The following MMP20 variants were observed in gnomAD, a reference collection of about 807,000 sequenced individuals.
MMP20 encodes matrix metallopeptidase 20, also known as matrix metalloproteinase-20.
MMP20 carries 50 observed loss-of-function variants against 51.8 expected under a neutral mutation model. That is an observed-to-expected ratio of 0.97 (90% CI 0.77 to 1.22). The LOEUF (loss-of-function observed/expected upper bound fraction) is 1.22, where lower values mean the gene tolerates loss of function less well. Ranked by LOEUF, MMP20 falls within the 50% of genes most tolerant of loss-of-function variation. The pLI is 0.00. For synonymous variants in MMP20, 244 were observed against 216.2 expected, an observed-to-expected ratio of 1.13 and a Z score of -1.13; for missense variants, 663 against 601.4, an observed-to-expected ratio of 1.10 and a Z score of -1.07.
At chr11:102,595,174 G>T (rs1337247631) in intron 6 of MMP20, among the ~76,000 whole-genome samples, 1 of 152,008 alleles carries the variant, frequency 6.6e-6, no homozygotes, top group Non-Finnish European at 1.5e-5. Context: ...TGACCCACCT[G>T]CCTCGGCCTC....
In MMP20 at chr11:102,616,797, A is replaced by G; in HGVS notation, c.374+15T>C. The stretch of plus-strand genomic sequence containing the variant: ...GGTGTTTTTCTCTGAATTTGGAAAG[A>G]CTTGATCTCATTACCTGTATGTCAA... On this transcript the variant is annotated intron_variant, in intron 2 of 9. Transcript: ENST00000260228. 2 of 1,614,076 alleles carry G rather than the reference A, an allele frequency of 1.2e-6. No individual in the cohort carries two copies. The highest frequency in any genetic ancestry group is 2.7e-5 in the African/African-American group (2 of 75,056).
chr11:102,618,570 G>A (rs1195569724), intron 1 of MMP20, among the ~76,000 whole-genome samples: 2 of 151,714 alleles, frequency 1.3e-5, no homozygotes, highest in Non-Finnish European at 2.9e-5. Flanking sequence ...ATATTTAATG[G>A]TATGAAAGAA....
intron 6 of MMP20, among the ~76,000 whole-genome samples, chr11:102,598,778 C>A (rs1784408): frequency 5.9e-5 from 9 of 151,928 alleles, no homozygotes; most frequent in Non-Finnish European, 1.2e-4. Context: ...GTTGTTGAGC[C>A]TTAAAGGTCT....
At chr11:102,608,177 C>G (rs1026947436) in intron 5 of MMP20, 1 of 152,194 alleles carries the variant, frequency 6.6e-6, no homozygotes, top group Non-Finnish European at 1.5e-5. Context: ...AGCCTAATAA[C>G]CAGGTCTCCA....
In MMP20 at chr11:102,593,536, C is replaced by T; in HGVS notation, c.1150G>A (p.Asp384Asn). The change falls in exon 8 of 10, where the codon GAC (aspartate) becomes AAC (asparagine). Residue 384 changes from aspartate to asparagine, a missense_variant. By Grantham distance (23) the Asp-to-Asn change is conservative. Transcript: ENST00000260228. ...QMQGPPRTIY[D>N]FGFPRHVQQI... is the part of the protein sequence containing the mutation. ...TGCACGTGCCTTGGAAATCCAAAGT[C>T]ATAAATAGTCCGAGGAGGACCTTGC... 2 of 1,614,168 alleles carry T rather than the reference C, an allele frequency of 1.2e-6. No individual in the cohort carries two copies. Among genetic ancestry groups the T allele is most frequent in the Non-Finnish European group, 1.7e-6 (2 of 1,180,008 alleles).
chr11:102,577,207 T>C lies in MMP20; in HGVS notation c.*119A>G. On this transcript the variant is annotated 3_prime_UTR_variant, in exon 10 of 10. Coordinates refer to ENST00000260228, the MANE Select transcript of MMP20 (RefSeq NM_004771.4). ...AAGTATTATTATTCTCAGTGAATTC[T>C]AATTTGATTTGAAGGCCTTTGGAAG... 2.8e-6 allele frequency: 2 copies of C among 711,602 alleles called. No individual in the cohort carries two copies. The highest frequency in any genetic ancestry group is 1.6e-5 in the South Asian group (1 of 63,658). The allele number at this position is 711,602 out of a possible 1,614,324, so 44.1% of individuals were successfully genotyped here.
intron 8 of MMP20, among the ~76,000 whole-genome samples, chr11:102,584,404 C>G (rs1001895857): frequency 3.3e-5 from 5 of 152,132 alleles, no homozygotes; most frequent in African/African-American, 1.2e-4. Context: ...TTTTCATGTG[C>G]TTATTGGCCA....
intron 2 of MMP20, among the ~76,000 whole-genome samples, chr11:102,614,543 A>G (rs1449722412): frequency 6.6e-6 from 1 of 152,244 alleles, no homozygotes; most frequent in East Asian, 1.9e-4. Context: ...AAACTATGAA[A>G]AGACTCTGTC....
At chr11:102,608,182 T>C (rs1859543803) in intron 5 of MMP20, 1 of 152,088 alleles carries the variant, frequency 6.6e-6, no homozygotes, top group African/African-American at 2.4e-5. Context: ...AATAACCAGG[T>C]CTCCAGGGCT....
chr11:102,603,631 A>G (rs892413568), intron 6 of MMP20, among the ~76,000 whole-genome samples: 1 of 152,102 alleles, frequency 6.6e-6, no homozygotes, highest in Non-Finnish European at 1.5e-5. Context: ...ATTACAGACA[A>G]CTCCCTCACT....
At position 102,611,813 on chromosome 11, in the gene MMP20, C is replaced by T; in HGVS notation, c.465G>A (p.Leu155=). 1 of 1,614,242 alleles carries T rather than the reference C, an allele frequency of 6.2e-7. No homozygotes were observed. Among genetic ancestry groups the T allele is most frequent in the Non-Finnish European group, 8.5e-7 (1 of 1,180,040 alleles). ...CTCCTGAGTTTATTCTGACAAAGCTCAGAGGGACGGCGCTACTCCAGGCCT... is the reference window on the plus strand; with the variant it reads ...CTCCTGAGTTTATTCTGACAAAGCTTAGAGGGACGGCGCTACTCCAGGCCT... ...ALQAWSSAVP[L]SFVRINSGEA... is the part of the protein sequence containing the mutation. Residue 155 remains leucine (L), a synonymous_variant, in exon 3 of 10, where the codon CTG becomes CTA. Transcript: ENST00000260228.
chr11:102,612,029 T>C (rs1859607902), intron 2 of MMP20, 126 bp from the exon 3 acceptor site: 1 of 927,168 alleles, frequency 1.1e-6, no homozygotes, highest in Non-Finnish European at 1.7e-6. Context: ...AAATAATAAT[T>C]CTTATTTTGC....
chr11:102,610,361 G>A (rs1859582068), intron 3 of MMP20, among the ~76,000 whole-genome samples: 1 of 151,904 alleles, frequency 6.6e-6, no homozygotes, highest in South Asian at 2.1e-4. Context: ...AACGACTGGG[G>A]CGGGGCGGGG....
At position 102,625,266 on chromosome 11, in the gene MMP20, C is replaced by T. The variant is rs543482674; in HGVS notation, c.54G>A (p.Lys18=). The T allele has an allele frequency of 7.4e-6, 12 of 1,613,844 alleles. No individual in the cohort carries two copies. The highest frequency in any genetic ancestry group is 6.7e-5 in the East Asian group (3 of 44,882). Residue 18 remains lysine, a synonymous_variant, in exon 1 of 10, where the codon AAG becomes AAA. Transcript: ENST00000260228. ...GLAVFLIMAL[K]FSTAAPSLVA... Reference sequence around the variant, plus strand: ...CTAGGGAGGGGGCTGCAGTGGAAAACTTCAAAGCCATGATGAGGAAGACAG... The same window carrying T: ...CTAGGGAGGGGGCTGCAGTGGAAAATTTCAAAGCCATGATGAGGAAGACAG...
intron 6 of MMP20, chr11:102,605,426 G>C (rs1859502551): frequency 1.3e-5 from 2 of 151,898 alleles, no homozygotes; most frequent in African/African-American, 4.8e-5. Flanking sequence ...CTTTCTCTCT[G>C]TGCTGAAGGA....
At chr11:102,624,080 C>T (rs368143690) in intron 1 of MMP20, among the ~76,000 whole-genome samples, 3 of 152,260 alleles carry the variant, frequency 2.0e-5, no homozygotes, top group East Asian at 1.9e-4. Context: ...CTGGTATGGC[C>T]GGGGAACTGA....
intron 7 of MMP20, 91 bp from the exon 8 acceptor site, chr11:102,593,686 G>A: frequency 1.4e-6 from 2 of 1,390,900 alleles, no homozygotes; most frequent in Non-Finnish European, 1.0e-6. Context: ...CTTAAATGGG[G>A]TTAGTTTATG....
intron 8 of MMP20, among the ~76,000 whole-genome samples, chr11:102,581,307 T>G (rs564737585): frequency 2.0e-5 from 3 of 152,222 alleles, no homozygotes; most frequent in Admixed American, 2.0e-4. Context: ...TGAGTGAACT[T>G]CATGGTTTGA....
intron 1 of MMP20, among the ~76,000 whole-genome samples, chr11:102,622,867 G>A (rs910645854): frequency 6.6e-6 from 1 of 152,190 alleles, no homozygotes; most frequent in African/African-American, 2.4e-5. Context: ...GGCTGATGAG[G>A]TTGTTATATA....
Sources: allele counts gnomAD v4.1 joint callset (sites outside exome capture counted in the v4.1 genomes callset), GRCh38; gene constraint gnomAD v4.1.1; transcripts MANE v1.5; gene names NCBI Gene and HGNC (gene_info 2026-07-23, HGNC 2026-07-21).